The following AMBRA1 variants were observed in gnomAD, a reference collection of about 807,000 sequenced individuals.
AMBRA1 encodes the protein activating molecule in BECN1-regulated autophagy protein 1.
AMBRA1 carries 47 observed loss-of-function variants against 125.4 expected under a neutral mutation model. The observed-to-expected ratio is 0.37, with a 90% CI of 0.30 to 0.48. AMBRA1 has a LOEUF of 0.48. Ranked by LOEUF, AMBRA1 falls within the 20% of genes least tolerant of loss-of-function variation. AMBRA1 has a pLI of 0.99. For missense variants in AMBRA1, 1,331 were observed against 1,693.4 expected, an observed-to-expected ratio of 0.79 and a Z score of 3.76; for synonymous variants, 626 against 655.5, an observed-to-expected ratio of 0.95 and a Z score of 0.69.
intron 11 of AMBRA1, among the ~76,000 whole-genome samples, chr11:46,453,282 A>G (rs1948705346): frequency 6.6e-6 from 1 of 151,898 alleles, no homozygotes; most frequent in Non-Finnish European, 1.5e-5. Context: ...TTCTTCCCCA[A>G]AGAGACAAGG....
chr11:46,583,319 T>A (rs941767446), intron 1 of AMBRA1, among the ~76,000 whole-genome samples: 11 of 151,452 alleles, frequency 7.3e-5, no homozygotes, highest in Non-Finnish European at 1.5e-4. Context: ...TGAAACTGGA[T>A]CCCTTCCTTA....
At chr11:46,541,518 G>A (rs551567699) in intron 7 of AMBRA1, among the ~76,000 whole-genome samples, 160 of 152,162 alleles carry the variant, frequency 1.1e-3, no homozygotes, top group Middle Eastern at 3.4e-3. Context: ...TACAATCAGC[G>A]AAGAGCCAAT....
intron 11 of AMBRA1, among the ~76,000 whole-genome samples, chr11:46,488,081 T>C (rs1950323976): frequency 6.6e-6 from 1 of 152,138 alleles, no homozygotes; most frequent in South Asian, 2.1e-4. Context: ...AATGGTAAAA[T>C]AGTTAATTCA....
rs1374213130 is a variant in AMBRA1, at chr11:46,418,363, AT to A, written c.2977-312del. The stretch of plus-strand genomic sequence containing the variant: ...TATTATTTATATAAATATATATTTT[AT>A]TATTTATATATAAATATATATATTT... On this transcript the variant is annotated intron_variant, in intron 14 of 17. Transcript: ENST00000683756. Among the ~76,000 whole-genome samples, 3 of 136,934 alleles carry A rather than the reference AT, an allele frequency of 2.2e-5. 1 individual carries two copies. The highest frequency in any genetic ancestry group is 5.4e-5 in the African/African-American group (2 of 37,152). 89.8% of individuals were successfully genotyped at this position (136,934 alleles called of 152,430 possible).
intron 9 of AMBRA1, among the ~76,000 whole-genome samples, chr11:46,507,846 G>A (rs1358259421): frequency 1.3e-5 from 2 of 152,166 alleles, no homozygotes; most frequent in African/African-American, 2.4e-5. Flanking sequence ...CCTCCCTGAT[G>A]TGGTAAAGAC....
At position 46,397,712 on chromosome 11, in the gene AMBRA1, CGA is replaced by C. The variant is rs1945523978; in HGVS notation, c.3633_3634del (p.Arg1212GlyfsTer52). On this transcript the variant is annotated frameshift_variant, in exon 18 of 18. Transcript: ENST00000683756. LOFTEE classifies it high-confidence loss of function. ...TTGCCCGGCCTCTGGGAGCAGTCCC[CGA>C]GAGGTGGAGGGCTGGGGTGAGGAGG... 1 of 1,613,058 alleles carries C rather than the reference CGA, an allele frequency of 6.2e-7. No homozygotes were observed. The highest frequency in any genetic ancestry group is 8.5e-7 in the Non-Finnish European group (1 of 1,179,848).
At chr11:46,449,509 T>A (rs1590835068) in intron 11 of AMBRA1, among the ~76,000 whole-genome samples, 1 of 152,180 alleles carries the variant, frequency 6.6e-6, no homozygotes, top group Non-Finnish European at 1.5e-5. Flanking sequence ...ACAAAACTGA[T>A]GAAAGACATC....
chr11:46,492,773 G>C (rs1477809707), intron 11 of AMBRA1, among the ~76,000 whole-genome samples: 1 of 152,260 alleles, frequency 6.6e-6, no homozygotes, highest in Non-Finnish European at 1.5e-5. Context: ...CTGCTGGCCA[G>C]GCACAGTGGC....
At chr11:46,571,665 G>A (rs1199132429) in intron 1 of AMBRA1, among the ~76,000 whole-genome samples, 4 of 150,642 alleles carry the variant, frequency 2.7e-5, no homozygotes, top group African/African-American at 9.8e-5. Context: ...GACAGAATGA[G>A]TCCGTGTCTC....
intron 11 of AMBRA1, among the ~76,000 whole-genome samples, chr11:46,474,357 T>C (rs1047791315): frequency 2.0e-5 from 3 of 152,176 alleles, no homozygotes; most frequent in African/African-American, 7.2e-5. Context: ...TCTATTCATA[T>C]ACTTCTCAAC....
At chr11:46,544,107 C>G in intron 5 of AMBRA1, 66 bp from the exon 6 acceptor site, 1 of 1,331,244 alleles carries the variant, frequency 7.5e-7, no homozygotes, top group Non-Finnish European at 1.1e-6. Context: ...GAAGAGGAAA[C>G]TTGTGTTTGA....
At chr11:46,402,237 G>C (rs117152017) in intron 17 of AMBRA1, among the ~76,000 whole-genome samples, 2,655 of 152,320 alleles carry the variant, frequency 0.017, 37 homozygotes, top group Non-Finnish European at 0.03. Context: ...GGTTTACACT[G>C]GGCGTGTATT....
At chr11:46,498,641 C>T (rs756725635) in intron 9 of AMBRA1, among the ~76,000 whole-genome samples, 1 of 152,102 alleles carries the variant, frequency 6.6e-6, no homozygotes, top group Non-Finnish European at 1.5e-5. Flanking sequence ...CGGAGAGAGG[C>T]TGTAATTTGA....
rs183436853 is a variant in AMBRA1, at chr11:46,550,853, G to A, written c.-120-2353C>T. On this transcript the variant is annotated intron_variant, in intron 1 of 17. Transcript: ENST00000683756. ...TGTAATCCCAGCACTTTGGGAGGCCGAGACGGGCGGATCGCGAGGTCAGGA... is the reference window on the plus strand; with the variant it reads ...TGTAATCCCAGCACTTTGGGAGGCCAAGACGGGCGGATCGCGAGGTCAGGA... Among the ~76,000 whole-genome samples the A allele has an allele frequency of 7.0e-3, 1,053 of 151,064 alleles. 10 individuals carry two copies. The highest frequency in any genetic ancestry group is 0.022 in the African/African-American group (918 of 41,096).
intron 7 of AMBRA1, among the ~76,000 whole-genome samples, chr11:46,524,868 A>C (rs1410440446): frequency 6.6e-6 from 1 of 152,260 alleles, no homozygotes; most frequent in Admixed American, 6.5e-5. Context: ...AGCCGTGAGA[A>C]TCACATGCAC....
At chr11:46,497,480 A>G (rs144815474) in intron 9 of AMBRA1, among the ~76,000 whole-genome samples, 76 of 152,356 alleles carry the variant, frequency 5.0e-4, no homozygotes, top group African/African-American at 1.6e-3. Flanking sequence ...AAGGCAGAGC[A>G]GATTTCAAAT....
chr11:46,548,232 GC>G lies in AMBRA1; in HGVS notation c.135+13del. ...CAGCACAAATCCTATGTGAAATATA[GC>G]CATTTTCCTTACCTTGCCCTCCCAT... is the stretch of plus-strand genomic sequence containing the variant. On this transcript the variant is annotated intron_variant, in intron 2 of 17. Transcript: ENST00000683756. The G allele has an allele frequency of 6.2e-7, 1 of 1,613,954 alleles. No individual in the cohort carries two copies. Among genetic ancestry groups the G allele is most frequent in the Non-Finnish European group, 8.5e-7 (1 of 1,179,986 alleles).
chr11:46,458,065 T>C (rs1277645455), intron 11 of AMBRA1, among the ~76,000 whole-genome samples: 2 of 152,140 alleles, frequency 1.3e-5, no homozygotes, highest in African/African-American at 2.4e-5. Context: ...GCATGGTGAA[T>C]GGGTCTGTTT....
intron 14 of AMBRA1, among the ~76,000 whole-genome samples, chr11:46,427,329 C>G (rs552644782): frequency 6.6e-6 from 1 of 152,322 alleles, no homozygotes; most frequent in African/African-American, 2.4e-5. Context: ...GCAGCAGCAG[C>G]AGCAGCAGCC....
Sources: allele counts gnomAD v4.1 joint callset (sites outside exome capture counted in the v4.1 genomes callset), GRCh38; gene constraint gnomAD v4.1.1; transcripts MANE v1.5; gene names NCBI Gene and HGNC (gene_info 2026-07-23, HGNC 2026-07-21).